ACSM3: variants seen among roughly 807,000 people sequenced by gnomAD.
ACSM3 encodes the protein acyl-CoA synthetase medium chain family member 3, also known as acyl-coenzyme A synthetase ACSM3, mitochondrial.
ACSM3 carries 61 observed loss-of-function variants against 74.1 expected under a neutral mutation model. The ratio of observed to expected loss-of-function variants is 0.82; its 90% CI spans 0.67 to 1.02. The LOEUF (loss-of-function observed/expected upper bound fraction) is 1.02. ACSM3 is among the 50% of genes least tolerant of loss of function. The pLI, the probability that ACSM3 is intolerant of heterozygous loss-of-function variation, is 0.00. For missense variants in ACSM3, 660 were observed against 697.0 expected, an observed-to-expected ratio of 0.95 and a Z score of 0.60; for synonymous variants, 213 against 241.5, an observed-to-expected ratio of 0.88 and a Z score of 1.09.
chr16:20,742,813 A>ATATATATATATATATATATT (rs61582869), intron 1 of ACSM3, among the ~76,000 whole-genome samples: 14 of 66,814 alleles, frequency 2.1e-4, no homozygotes, highest in African/African-American at 5.6e-4. Context: ...ATATATATAT[A>ATATATATATATATATATATT]TTTTTTTTTT....
At chr16:20,746,268 T>C (rs35969935) in intron 1 of ACSM3, among the ~76,000 whole-genome samples, 19,785 of 152,228 alleles carry the variant, frequency 0.13, 1,349 homozygotes, top group East Asian at 0.21. Context: ...GACTCAGTCG[T>C]GAATCATGGA....
intron 1 of ACSM3, among the ~76,000 whole-genome samples, chr16:20,715,902 C>T (rs986434786): frequency 3.3e-5 from 5 of 152,196 alleles, no homozygotes; most frequent in African/African-American, 9.6e-5. Context: ...TTCTGCTCCA[C>T]ATCAGCCTGA....
chr16:20,781,904 A>G (rs970880577), intron 7 of ACSM3, 117 bp downstream of exon 7: 4 of 735,466 alleles, frequency 5.4e-6, no homozygotes, highest in Middle Eastern at 2.6e-4. Context: ...GGATTTAGCA[A>G]TCTCTCCTCT....
At chr16:20,741,977 T>G in intron 1 of ACSM3, 3 of 1,523,544 alleles carry the variant, frequency 2.0e-6, no homozygotes, top group Non-Finnish European at 2.6e-6. Context: ...CTGAATCCAG[T>G]AGAGGCAGCA....
intron 3 of ACSM3, among the ~76,000 whole-genome samples, chr16:20,756,083 G>A (rs1035735282): frequency 7.9e-5 from 12 of 152,056 alleles, no homozygotes; most frequent in East Asian, 1.9e-4. Context: ...GAATAGTGCC[G>A]CAGTAAACAT....
At chr16:20,741,638 G>T in intron 1 of ACSM3, 1 of 1,581,446 alleles carries the variant, frequency 6.3e-7, no homozygotes, top group African/African-American at 1.3e-5. Context: ...GACGGGGCCC[G>T]CCAGCGTCGC....
intron 1 of ACSM3, chr16:20,728,345 GA>G: frequency 8.8e-7 from 1 of 1,131,136 alleles, no homozygotes; most frequent in Non-Finnish European, 1.3e-6. Context: ...TTCATTTTGT[GA>G]AAAGAAAATT....
intron 1 of ACSM3, chr16:20,729,124 A>G (rs746509342): frequency 3.2e-5 from 16 of 502,508 alleles, no homozygotes; most frequent in Non-Finnish European, 4.4e-5. Context: ...TAAAATAAAT[A>G]ATTTCCTTTA....
Position 20,780,703 on chromosome 16 carries a change from T to C in ACSM3, c.639-11T>C, listed in dbSNP as rs763848035. The C allele has an allele frequency of 6.2e-7, 1 of 1,614,212 alleles. No homozygotes were observed. Among genetic ancestry groups the C allele is most frequent in the Admixed American group, 1.7e-5 (1 of 60,020 alleles). On this transcript the variant is annotated splice_polypyrimidine_tract_variant and intron_variant, in intron 4 of 13. Transcript: ENST00000289416. ...GTTTAACATGCAGTCATTGTAGTTT[T>C]TCCTTTGCAGACATGCCAGTGACAG... is the stretch of plus-strand genomic sequence containing the variant.
chr16:20,702,831 T>A (rs2079717207), intron 1 of ACSM3: 1 of 152,262 alleles, frequency 6.6e-6, no homozygotes, highest in Admixed American at 6.5e-5. Context: ...ATCCCATTTG[T>A]CAATTTTGGC....
intron 2 of ACSM3, among the ~76,000 whole-genome samples, chr16:20,754,234 G>A (rs1401518315): frequency 2.0e-5 from 3 of 152,172 alleles, no homozygotes; most frequent in Admixed American, 6.6e-5. Flanking sequence ...GGGAAGGAGT[G>A]AAACAGTTAT....
intron 1 of ACSM3, among the ~76,000 whole-genome samples, chr16:20,720,343 A>G (rs988003230): frequency 2.6e-5 from 4 of 152,230 alleles, no homozygotes; most frequent in South Asian, 2.1e-4. Flanking sequence ...GTGACAGACT[A>G]TCAGGCATTA....
At chr16:20,684,323 G>A (rs1230331145) in intron 1 of ACSM3, among the ~76,000 whole-genome samples, 2 of 152,160 alleles carry the variant, frequency 1.3e-5, no homozygotes, top group Non-Finnish European at 2.9e-5. Context: ...ATCGCTTAAG[G>A]ATCACACAAT....
intron 3 of ACSM3, among the ~76,000 whole-genome samples, chr16:20,756,168 C>T (rs2080029944): frequency 1.3e-5 from 2 of 151,778 alleles, no homozygotes; most frequent in Admixed American, 1.3e-4. Flanking sequence ...ATGGCTGGGT[C>T]AAATGGTATT....
At chr16:20,750,851 T>TTTTTTTG (rs1284012128) in intron 2 of ACSM3, among the ~76,000 whole-genome samples, 3 of 145,782 alleles carry the variant, frequency 2.1e-5, no homozygotes, top group Non-Finnish European at 4.6e-5. Flanking sequence ...CAGGTTTTTT[T>TTTTTTTG]TTTTTTTTTT....
chr16:20,779,170 A>G (rs947745143), intron 4 of ACSM3, among the ~76,000 whole-genome samples: 1 of 152,148 alleles, frequency 6.6e-6, no homozygotes, highest in African/African-American at 2.4e-5. Flanking sequence ...ATGCCTATAA[A>G]TCATCACTTT....
At position 20,753,292 on chromosome 16, in the gene ACSM3, C is replaced by T. The variant is rs555382942; in HGVS notation, c.-95-2281C>T. Among the ~76,000 whole-genome samples the T allele has an allele frequency of 5.2e-4, 79 of 151,678 alleles. 1 individual carries two copies. Among genetic ancestry groups the T allele is most frequent in the Middle Eastern group, 3.4e-3 (1 of 294 alleles). On this transcript the variant is annotated intron_variant, in intron 2 of 3. Transcript: ENST00000561584. ...CAGCCCGGCCAACATGGTGAAACCC[C>T]GTCTCTACTAAAAATACAAAAATTA...
chr16:20,797,530 T>C lies in ACSM3; in HGVS notation c.*558T>C. On this transcript the variant is annotated 3_prime_UTR_variant, in exon 14 of 14. Coordinates refer to ENST00000289416, the MANE Select transcript of ACSM3 (RefSeq NM_005622.4). ...AGGTCTAACTATAAAAGAAGGATCA[T>C]ATACTATTGTTGCTTATTATATGTA... is the stretch of plus-strand genomic sequence containing the variant. 1.7e-6 allele frequency: 2 copies of C among 1,199,192 alleles called. No homozygotes were observed. The highest frequency in any genetic ancestry group is 1.0e-6 in the Non-Finnish European group (1 of 965,346). The allele number at this position is 1,199,192 out of a possible 1,614,324, so 74.3% of individuals were successfully genotyped here.
intron 3 of ACSM3, among the ~76,000 whole-genome samples, chr16:20,776,296 AT>A (rs1236985989): frequency 6.6e-6 from 1 of 152,224 alleles, no homozygotes; most frequent in East Asian, 1.9e-4. Context: ...AAGAAAAGAT[AT>A]TCTAAAGAAC....
Sources: allele counts gnomAD v4.1 joint callset (sites outside exome capture counted in the v4.1 genomes callset), GRCh38; gene constraint gnomAD v4.1.1; transcripts MANE v1.5; gene names NCBI Gene and HGNC (gene_info 2026-07-23, HGNC 2026-07-21).